Variants in GRIK2 observed in about 807,000 individuals in gnomAD.
GRIK2 encodes the protein glutamate receptor ionotropic, kainate 2.
Under a neutral mutation model 100.3 loss-of-function variants are expected in GRIK2, and 32 were observed. The observed-to-expected ratio is 0.32, with a 90% CI of 0.24 to 0.43. The LOEUF is 0.43. GRIK2 is among the 20% of genes least tolerant of loss of function. The pLI, the probability that GRIK2 is intolerant of heterozygous loss-of-function variation, is 1.00. For missense variants in GRIK2, 843 were observed against 1,114.9 expected (o/e 0.76, Z 3.47); for synonymous variants, 417 against 389.4 (o/e 1.07, Z -0.83).
chr6:101,941,071 T>C (rs988744696), intron 14 of GRIK2, among the ~76,000 whole-genome samples: 1 of 152,150 alleles, frequency 6.6e-6, no homozygotes, highest in Non-Finnish European at 1.5e-5. Context: ...ATTTCTTCTA[T>C]GTACTACTGT....
At chr6:101,821,326 G>T (rs1383983659) in intron 10 of GRIK2, among the ~76,000 whole-genome samples, 1 of 152,094 alleles carries the variant, frequency 6.6e-6, no homozygotes, top group Admixed American at 6.5e-5. Context: ...CTTCATATCA[G>T]AGTCAGCTCT....
At chr6:101,977,404 A>C (rs1793456434) in intron 14 of GRIK2, among the ~76,000 whole-genome samples, 1 of 151,898 alleles carries the variant, frequency 6.6e-6, no homozygotes, top group African/African-American at 2.4e-5. Flanking sequence ...ATGCCTTCAG[A>C]CAGCAATTCA....
chr6:101,451,296 C>G (rs1770665242), intron 2 of GRIK2, among the ~76,000 whole-genome samples: 2 of 151,614 alleles, frequency 1.3e-5, no homozygotes, highest in Non-Finnish European at 3.0e-5. Context: ...TTTCTCTTCC[C>G]TATGAGATGC....
chr6:101,425,377 T>G (rs1776648705), intron 2 of GRIK2, among the ~76,000 whole-genome samples: 1 of 152,164 alleles, frequency 6.6e-6, no homozygotes, highest in Non-Finnish European at 1.5e-5. Flanking sequence ...GTTGTACCAG[T>G]TTAATTATAT....
intron 14 of GRIK2, among the ~76,000 whole-genome samples, chr6:102,033,956 TA>T (rs978274692): frequency 9.4e-4 from 142 of 150,700 alleles, no homozygotes; most frequent in Middle Eastern, 6.8e-3. Context: ...CAGTTGTGAT[TA>T]AAAAAAAATG....
intron 14 of GRIK2, among the ~76,000 whole-genome samples, chr6:102,001,199 T>G (rs76755457): frequency 6.6e-6 from 1 of 151,176 alleles, no homozygotes; most frequent in Non-Finnish European, 1.5e-5. Context: ...TTTTTTTTTT[T>G]TCATTTTACT....
At chr6:101,646,744 T>A (rs1781543305) in intron 4 of GRIK2, among the ~76,000 whole-genome samples, 1 of 151,916 alleles carries the variant, frequency 6.6e-6, no homozygotes, top group Admixed American at 6.6e-5. Flanking sequence ...ATCTCCCGCC[T>A]GATAGAGAAA....
chr6:101,669,927 T>C (rs1328381875), intron 4 of GRIK2, among the ~76,000 whole-genome samples: 2 of 152,010 alleles, frequency 1.3e-5, no homozygotes, highest in African/African-American at 4.8e-5. Context: ...TGAGAAATAA[T>C]ATCATGGGAC....
chr6:102,037,110 A>G (rs542040388), intron 15 of GRIK2, among the ~76,000 whole-genome samples: 1 of 151,456 alleles, frequency 6.6e-6, no homozygotes, highest in East Asian at 2.0e-4. Context: ...ATGGTTTAAA[A>G]AAAGCTCGAA....
At chr6:101,434,489 A>T (rs1769603806) in intron 2 of GRIK2, among the ~76,000 whole-genome samples, 1 of 147,832 alleles carries the variant, frequency 6.8e-6, no homozygotes, top group African/African-American at 2.5e-5. Flanking sequence ...TAATTTGAAT[A>T]TTTTTTTTTT....
At chr6:101,842,469 A>G (rs925778792) in intron 10 of GRIK2, among the ~76,000 whole-genome samples, 23 of 152,216 alleles carry the variant, frequency 1.5e-4, no homozygotes, top group Non-Finnish European at 2.9e-4. Flanking sequence ...ATCTTTATGC[A>G]TTTAAATGCA....
intron 5 of GRIK2, among the ~76,000 whole-genome samples, chr6:101,680,053 C>T (rs945983102): frequency 7.2e-5 from 11 of 152,012 alleles, no homozygotes; most frequent in African/African-American, 2.4e-4. Context: ...GCGTTTTCTA[C>T]GTCATATATC....
At chr6:101,421,325 G>A (rs1317075334) in intron 2 of GRIK2, among the ~76,000 whole-genome samples, 1 of 152,194 alleles carries the variant, frequency 6.6e-6, no homozygotes, top group Non-Finnish European at 1.5e-5. Context: ...CATGGAGGAT[G>A]GCACTGCCTT....
intron 7 of GRIK2, among the ~76,000 whole-genome samples, chr6:101,711,026 C>T (rs1351982552): frequency 6.6e-6 from 1 of 151,584 alleles, no homozygotes; most frequent in Admixed American, 6.6e-5. Flanking sequence ...GTGTGGATAC[C>T]CTAAAATAGC....
intron 2 of GRIK2, among the ~76,000 whole-genome samples, chr6:101,502,971 G>A (rs1032448873): frequency 4.6e-5 from 7 of 151,996 alleles, no homozygotes; most frequent in Non-Finnish European, 1.0e-4. Flanking sequence ...TCTCTTCCCC[G>A]ACACAGGATG....
At chr6:101,680,591 T>G (rs2128341635) in intron 5 of GRIK2, among the ~76,000 whole-genome samples, 1 of 152,284 alleles carries the variant, frequency 6.6e-6, no homozygotes. Context: ...TGACAAATTT[T>G]AAGCATTATA....
At chr6:101,688,426 T>C (rs1271342909) in intron 7 of GRIK2, among the ~76,000 whole-genome samples, 1 of 151,892 alleles carries the variant, frequency 6.6e-6, no homozygotes, top group Non-Finnish European at 1.5e-5. Context: ...CCCTAATTTG[T>C]GGCAACTTAT....
intron 12 of GRIK2, among the ~76,000 whole-genome samples, chr6:101,894,400 G>T (rs939530195): frequency 3.3e-5 from 5 of 151,564 alleles, no homozygotes; most frequent in African/African-American, 1.2e-4. Flanking sequence ...AATTAGCTCT[G>T]AATGTTAATT....
chr6:101,481,793 C>A (rs1458852301), intron 2 of GRIK2, among the ~76,000 whole-genome samples: 1 of 152,114 alleles, frequency 6.6e-6, no homozygotes, highest in Non-Finnish European at 1.5e-5. Flanking sequence ...TCTCCAATTG[C>A]AATCCCCGTA....
Sources: gnomAD v4.1 joint callset for allele counts (sites outside exome capture counted in the v4.1 genomes callset) on GRCh38, gnomAD v4.1.1 for gene constraint, MANE v1.5 for transcripts, NCBI Gene and HGNC (gene_info 2026-07-23, HGNC 2026-07-21) for gene names.